LARP1B: variants seen among roughly 807,000 people sequenced by gnomAD.
LARP1B encodes the protein La ribonucleoprotein 1B.
Under a neutral mutation model 114.2 loss-of-function variants are expected in LARP1B, and 76 were observed. That is an observed-to-expected ratio of 0.67 (90% CI 0.55 to 0.81). The LOEUF (loss-of-function observed/expected upper bound fraction) is 0.81. Ranked by LOEUF, LARP1B falls within the 30% of genes least tolerant of loss-of-function variation. The pLI is 0.00. For missense variants in LARP1B, 1,014 were observed against 1,075.8 expected (o/e 0.94, Z 0.80); for synonymous variants, 345 against 348.0 (o/e 0.99, Z 0.10).
At chr4:128,165,559 G>C (rs746074881) in intron 12 of LARP1B, among the ~76,000 whole-genome samples, 84 of 152,140 alleles carry the variant, frequency 5.5e-4, no homozygotes, top group Non-Finnish European at 9.4e-4. Flanking sequence ...TAATAGAAAA[G>C]AGTTGGTATT....
intron 12 of LARP1B, among the ~76,000 whole-genome samples, chr4:128,174,526 A>G (rs1745105941): frequency 1.3e-5 from 2 of 151,948 alleles, no homozygotes; most frequent in Non-Finnish European, 2.9e-5. Context: ...TAATATATCT[A>G]CTCTTATTGG....
At chr4:128,098,984 GC>G (rs1779294223) in intron 8 of LARP1B, among the ~76,000 whole-genome samples, 1 of 150,036 alleles carries the variant, frequency 6.7e-6, no homozygotes, top group South Asian at 2.1e-4. Flanking sequence ...CACTATCTTG[GC>G]CAGGCTGGTC....
chr4:128,211,288 T>A lies in LARP1B; in HGVS notation c.*1235T>A. On this transcript the variant is annotated 3_prime_UTR_variant, in exon 20 of 20. Transcript: ENST00000326639. Reference sequence around the variant, plus strand: ...TTGAGCACTACATAATTTACAGATATTTTGTTGTATTGGCAAAAGCAAGTG... The same window carrying A: ...TTGAGCACTACATAATTTACAGATAATTTGTTGTATTGGCAAAAGCAAGTG... The A allele has an allele frequency of 1.0e-6, 1 of 965,840 alleles. No homozygotes were observed. Among genetic ancestry groups the A allele is most frequent in the African/African-American group, 1.8e-5 (1 of 56,960 alleles). 59.8% of individuals were successfully genotyped at this position (965,840 alleles called of 1,614,324 possible).
At chr4:128,128,314 T>C (rs4834234) in intron 11 of LARP1B, among the ~76,000 whole-genome samples, 98,863 of 152,008 alleles carry the variant, frequency 0.65, 32,452 homozygotes, top group Middle Eastern at 0.82. Flanking sequence ...CAAAGGACAC[T>C]ATACAGAAAG....
At chr4:128,065,279 T>TTCTG (rs1762099065) in intron 1 of LARP1B, among the ~76,000 whole-genome samples, 1 of 134,046 alleles carries the variant, frequency 7.5e-6, no homozygotes, top group African/African-American at 2.9e-5. Context: ...CTTTCTTTCT[T>TTCTG]TCTTTCTTTC....
intron 11 of LARP1B, among the ~76,000 whole-genome samples, chr4:128,159,248 ATG>A (rs1737276460): frequency 6.6e-6 from 1 of 152,146 alleles, no homozygotes; most frequent in African/African-American, 2.4e-5. Flanking sequence ...TCACAAATGT[ATG>A]TGTATAGTTT....
At chr4:128,153,450 C>T (rs911324816) in intron 11 of LARP1B, among the ~76,000 whole-genome samples, 15 of 151,996 alleles carry the variant, frequency 9.9e-5, no homozygotes, top group African/African-American at 3.6e-4. Flanking sequence ...GGACTACAGG[C>T]GTGCACCACC....
intron 8 of LARP1B, among the ~76,000 whole-genome samples, chr4:128,105,906 T>A (rs1271992805): frequency 6.6e-6 from 1 of 151,876 alleles, no homozygotes; most frequent in East Asian, 1.9e-4. Flanking sequence ...ATAAAAATAA[T>A]AATAATAAAA....
chr4:128,222,508 A>C, exon 8 of LARP1B: 1 of 326,550 alleles, frequency 3.1e-6, no homozygotes, highest in Non-Finnish European at 6.4e-6. Flanking sequence ...CATCTTACAA[A>C]CCATATTTCT....
chr4:128,113,529 C>T (rs1272047919), intron 9 of LARP1B, among the ~76,000 whole-genome samples: 2 of 151,154 alleles, frequency 1.3e-5, no homozygotes, highest in Non-Finnish European at 3.0e-5. Context: ...TTTTAGTAGA[C>T]ACGGAGTTTC....
chr4:128,142,065 A>C (rs141081038), intron 11 of LARP1B, among the ~76,000 whole-genome samples: 28 of 152,268 alleles, frequency 1.8e-4, no homozygotes, highest in African/African-American at 6.7e-4. Flanking sequence ...TGTCAAGAGG[A>C]GAGTCATGTA....
intron 11 of LARP1B, chr4:128,123,331 G>A (rs1261419917): frequency 1.0e-6 from 1 of 985,286 alleles, no homozygotes; most frequent in African/African-American, 1.7e-5. Flanking sequence ...TCAGTTGAAA[G>A]TCTTTCCTAG....
chr4:128,096,413 G>C (rs536509522), intron 7 of LARP1B, among the ~76,000 whole-genome samples: 1 of 151,992 alleles, frequency 6.6e-6, no homozygotes, highest in Non-Finnish European at 1.5e-5. Flanking sequence ...TTATATCTTG[G>C]GATTTGTAGT....
intron 8 of LARP1B, 93 bp downstream of exon 8, chr4:128,098,423 A>C: frequency 9.8e-7 from 1 of 1,023,164 alleles, no homozygotes; most frequent in Non-Finnish European, 1.4e-6. Context: ...AAAAACAGAC[A>C]ATCTGTAGTT....
chr4:128,198,922 T>C (rs1357934236), intron 15 of LARP1B, among the ~76,000 whole-genome samples: 1 of 152,166 alleles, frequency 6.6e-6, no homozygotes, highest in Non-Finnish European at 1.5e-5. Flanking sequence ...ATTTAGGAGA[T>C]AGATCAAAAG....
intron 9 of LARP1B, among the ~76,000 whole-genome samples, chr4:128,112,621 C>T (rs575983463): frequency 1.3e-5 from 2 of 151,638 alleles, no homozygotes; most frequent in African/African-American, 2.4e-5. Flanking sequence ...TTACAGGCAC[C>T]CACCACCACG....
intron 11 of LARP1B, among the ~76,000 whole-genome samples, chr4:128,129,645 A>G (rs1580787106): frequency 6.6e-6 from 1 of 152,220 alleles, no homozygotes; most frequent in African/African-American, 2.4e-5. Context: ...AAGCTGCAGT[A>G]ATGAAGGCAG....
At chr4:128,123,632 G>T in intron 11 of LARP1B, 1 of 546,974 alleles carries the variant, frequency 1.8e-6, no homozygotes, top group Non-Finnish European at 2.3e-6. Context: ...TCTAGTGTTA[G>T]AATAGTTTCT....
chr4:128,211,481 A>T lies in LARP1B; in HGVS notation c.*1428A>T, dbSNP rs903229549. The T allele has an allele frequency of 3.5e-5, 32 of 910,312 alleles. No homozygotes were observed. The African/African-American group carries it at 5.0e-4, about 14-fold the overall frequency. 56.4% of individuals were successfully genotyped at this position (910,312 alleles called of 1,614,324 possible). A position where few individuals can be genotyped will look rare whatever the true frequency, so the allele number is the denominator to read the frequency against. On this transcript the variant is annotated 3_prime_UTR_variant, in exon 20 of 20. Transcript: ENST00000326639. Reference sequence around the variant, plus strand: ...ATGATAAGTAATAATCAGCAGTTTTATAATATTTACTATTTGGAGGGTCAT... The same window carrying T: ...ATGATAAGTAATAATCAGCAGTTTTTTAATATTTACTATTTGGAGGGTCAT...
Sources: allele counts gnomAD v4.1 joint callset (sites outside exome capture counted in the v4.1 genomes callset), GRCh38; gene constraint gnomAD v4.1.1; transcripts MANE v1.5; gene names NCBI Gene and HGNC (gene_info 2026-07-23, HGNC 2026-07-21).